COL8A2: variants seen among roughly 807,000 people sequenced by gnomAD.
The protein encoded by COL8A2 is collagen type VIII alpha 2 chain.
COL8A2 carries 16 observed loss-of-function variants against 24.0 expected under a neutral mutation model. The ratio of observed to expected loss-of-function variants is 0.67; its 90% CI spans 0.45 to 1.01. COL8A2 has a LOEUF of 1.01. Among genes scored for constraint, COL8A2 ranks in the 50% least tolerant of loss-of-function variants. The probability of loss-of-function intolerance (pLI) is 0.00; values close to 1 mark genes in which losing one functional copy is unlikely to be tolerated. For synonymous variants in COL8A2, 466 were observed against 424.5 expected (o/e 1.10, Z -1.20); for missense variants, 818 against 942.4 (o/e 0.87, Z 1.73).
chr1:36,109,617 T>A (rs1221763718), intron 2 of COL8A2, among the ~76,000 whole-genome samples: 1 of 150,834 alleles, frequency 6.6e-6, no homozygotes, highest in Non-Finnish European at 1.5e-5. Context: ...AGAGCCAGGC[T>A]GGAGTGCAGT....
chr1:36,101,297 C>T (rs1407154345), intron 2 of COL8A2, among the ~76,000 whole-genome samples: 3 of 152,184 alleles, frequency 2.0e-5, no homozygotes, highest in Non-Finnish European at 4.4e-5. Flanking sequence ...ACCCAGTAAA[C>T]CAGAACTTGA....
chr1:36,124,982 TG>T, intron 1 of COL8A2, 74 bp downstream of exon 1: 1 of 556,794 alleles, frequency 1.8e-6, no homozygotes, highest in Non-Finnish European at 2.3e-6. Context: ...CGCATGGTGT[TG>T]GGGGAAGCCC....
chr1:36,116,377 T>C (rs274132), intron 1 of COL8A2, among the ~76,000 whole-genome samples: 127,810 of 152,242 alleles, frequency 0.84, 53,934 homozygotes, highest in Non-Finnish European at 0.88. Flanking sequence ...CGGGTTCCCA[T>C]GCTGGAGAAG....
Position 36,099,390 on chromosome 1 carries a change from T to G in COL8A2, c.291A>C (p.Pro97=), listed in dbSNP as rs1440785654. Reference sequence around the variant, plus strand: ...CTGGCTTTCCCATGCCTGGTTTTCCTGGGAAGCCAGGGGGGCCAGGGGGAC... The same window carrying G: ...CTGGCTTTCCCATGCCTGGTTTTCCGGGGAAGCCAGGGGGGCCAGGGGGAC... The part of the protein sequence containing the change: ...PRGPPGPPGF[P]GKPGMGKPGL... The change falls in exon 4 of 4, where the codon CCA becomes CCC. Residue 97 remains proline, a synonymous_variant. Transcript: ENST00000397799. 6.4e-7 allele frequency: 1 copy of G among 1,556,098 alleles called. No homozygotes were observed. Among genetic ancestry groups the G allele is most frequent in the East Asian group, 2.3e-5 (1 of 42,680 alleles).
intron 2 of COL8A2, among the ~76,000 whole-genome samples, chr1:36,113,732 C>G (rs1225775574): frequency 6.6e-6 from 1 of 152,256 alleles, no homozygotes; most frequent in Non-Finnish European, 1.5e-5. Context: ...CACCTGCCCA[C>G]CTGGTCTGCC....
intron 1 of COL8A2, among the ~76,000 whole-genome samples, chr1:36,124,702 C>CT (rs1643938487): frequency 2.6e-5 from 4 of 152,248 alleles, no homozygotes; most frequent in Middle Eastern, 6.8e-3. Context: ...GTGAAGGCGG[C>CT]TTTTTTATCC....
intron 2 of COL8A2, among the ~76,000 whole-genome samples, chr1:36,106,847 CCCCATCCCAGACCCT>C (rs566464898): frequency 1.1e-4 from 17 of 152,170 alleles, no homozygotes; most frequent in Admixed American, 3.9e-4. Flanking sequence ...CCTGAATTTG[CCCCATCCCAGACCCT>C]TCCATCCTGC....
intron 1 of COL8A2, among the ~76,000 whole-genome samples, chr1:36,121,171 A>G (rs541908064): frequency 1.4e-4 from 21 of 150,572 alleles, no homozygotes; most frequent in African/African-American, 4.6e-4. Flanking sequence ...CGGGTAGATC[A>G]TGAGATCAGG....
At chr1:36,124,524 G>T (rs948329663) in intron 1 of COL8A2, among the ~76,000 whole-genome samples, 1 of 152,202 alleles carries the variant, frequency 6.6e-6, no homozygotes, top group South Asian at 2.1e-4. Flanking sequence ...AGTTTGGGGC[G>T]AGGGGACTGA....
At chr1:36,116,346 G>A (rs1643879484) in intron 1 of COL8A2, among the ~76,000 whole-genome samples, 2 of 152,238 alleles carry the variant, frequency 1.3e-5, no homozygotes, top group African/African-American at 4.8e-5. Flanking sequence ...GGCCCAGGCT[G>A]AGGATGCCCC....
At position 36,097,385 on chromosome 1, in the gene COL8A2, C is replaced by CG. The variant is rs1309233030; in HGVS notation, c.*183_*184insC. ...GACATTTGGGGGAAAGAAACTCAGG[C>CG]CAGCCCCTTCCAGAAACAATCTCAG... is the stretch of plus-strand genomic sequence containing the variant. On this transcript the variant is annotated 3_prime_UTR_variant, in exon 4 of 4. Coordinates refer to ENST00000397799, the MANE Select transcript of COL8A2 (RefSeq NM_005202.4). The CG allele has an allele frequency of 1.4e-4, 84 of 615,478 alleles. No individual in the cohort carries two copies. The highest frequency in any genetic ancestry group is 2.3e-4 in the Non-Finnish European group (81 of 349,396). The allele number at this position is 615,478 out of a possible 1,614,324, so 38.1% of individuals were successfully genotyped here. A position where few individuals can be genotyped will look rare whatever the true frequency, so the allele number is the denominator to read the frequency against.
chr1:36,105,333 G>C (rs1332275111), intron 2 of COL8A2, among the ~76,000 whole-genome samples: 1 of 152,184 alleles, frequency 6.6e-6, no homozygotes, highest in Non-Finnish European at 1.5e-5. Context: ...GAGTGATCCA[G>C]GCCTCAAAGG....
chr1:36,116,616 C>G (rs1489902559), intron 1 of COL8A2, among the ~76,000 whole-genome samples: 2 of 152,244 alleles, frequency 1.3e-5, no homozygotes, highest in African/African-American at 4.8e-5. Flanking sequence ...GCAGGGAATA[C>G]TGCCGACTTA....
chr1:36,097,050 C>T lies in COL8A2; in HGVS notation c.*519G>A, dbSNP rs1473320196. 1 of 162,104 alleles carries T rather than the reference C, an allele frequency of 6.2e-6. No homozygotes were observed. The highest frequency in any genetic ancestry group is 1.7e-4 in the East Asian group (1 of 5,826). 10.0% of individuals were successfully genotyped at this position (162,104 alleles called of 1,614,324 possible). On this transcript the variant is annotated 3_prime_UTR_variant, in exon 4 of 4. Transcript: ENST00000397799. ...CTGCAGTCCTGGCAGGGTGTCCACACTCGCCACCTCGATGGTCCCCTCTTC... is the reference window on the plus strand; with the variant it reads ...CTGCAGTCCTGGCAGGGTGTCCACATTCGCCACCTCGATGGTCCCCTCTTC...
chr1:36,099,139 G>T lies in COL8A2; in HGVS notation c.542C>A (p.Pro181Gln). The T allele has an allele frequency of 6.7e-7, 1 of 1,502,988 alleles. No individual in the cohort carries two copies. The highest frequency in any genetic ancestry group is 2.3e-5 in the East Asian group (1 of 42,570). 93.1% of individuals were successfully genotyped at this position (1,502,988 alleles called of 1,614,324 possible). Residue 181 changes from proline to glutamine, a missense_variant, in exon 4 of 4, where the codon CCA becomes CAA. Pro to Gln is a moderately conservative substitution (Grantham distance 76). Around this residue, in one of 3 missense-constraint regions of COL8A2, gnomAD observed 573 missense variants for 616.8 expected, o/e 0.93. Transcript: ENST00000397799. ...TTCCCCCTGGAATCCTGGGGGCCCT[G>T]GCACCCCTTGGGCACCTGGTTTTCC... ...IPGKPGAQGV[P>Q]GPPGFQGEPG... is the part of the protein sequence containing the mutation.
intron 2 of COL8A2, among the ~76,000 whole-genome samples, chr1:36,112,544 G>T (rs1643857877): frequency 6.6e-6 from 1 of 151,918 alleles, no homozygotes; most frequent in African/African-American, 2.4e-5. Flanking sequence ...TCCTTCCCCT[G>T]CTTTCCCACA....
In COL8A2 at chr1:36,097,844, T is replaced by G. The variant is rs1011646582; in HGVS notation, c.1837A>C (p.Thr613Pro). 1 of 1,612,992 alleles carries G rather than the reference T, an allele frequency of 6.2e-7. No individual in the cohort carries two copies. Among genetic ancestry groups the G allele is most frequent in the African/African-American group, 1.3e-5 (1 of 74,902 alleles). Residue 613 changes from threonine to proline, a missense_variant, in exon 4 of 4, where the codon ACC becomes CCC. Coordinates refer to ENST00000397799, the MANE Select transcript of COL8A2 (RefSeq NM_005202.4). ...SGYNPATGIFTCPVGGVYYFA... is the reference protein window; with the variant it reads ...SGYNPATGIFPCPVGGVYYFA... ...TAGTAGACGCCGCCCACAGGGCAGG[T>G]GAAGATGCCAGTGGCTGGGTTGTAG...
intron 1 of COL8A2, among the ~76,000 whole-genome samples, chr1:36,117,023 G>C (rs1340364345): frequency 6.6e-6 from 1 of 152,232 alleles, no homozygotes; most frequent in East Asian, 1.9e-4. Context: ...TAGATGGGGA[G>C]GGGATGCCCA....
chr1:36,100,986 C>T (rs987918390), intron 2 of COL8A2, among the ~76,000 whole-genome samples: 3 of 144,032 alleles, frequency 2.1e-5, no homozygotes, highest in South Asian at 2.3e-4. Flanking sequence ...ATCTGCCTCC[C>T]GGGTTCAAGC....
Sources: gnomAD v4.1 joint callset for allele counts (sites outside exome capture counted in the v4.1 genomes callset) on GRCh38, gnomAD v4.1.1 for gene constraint, gnomAD v4.1.1 regional missense constraint, MANE v1.5 for transcripts, NCBI Gene and HGNC (gene_info 2026-07-23, HGNC 2026-07-21) for gene names.